Variants in TET1 observed in about 807,000 individuals in gnomAD.
TET1 encodes the protein methylcytosine dioxygenase TET1.
Under a neutral mutation model 148.7 loss-of-function variants are expected in TET1, and 13 were observed. The observed-to-expected ratio is 0.09, with a 90% CI of 0.06 to 0.14. TET1 has a LOEUF of 0.14. Ranked by LOEUF, TET1 falls within the 10% of genes least tolerant of loss-of-function variation. TET1 has a pLI of 1.00. For missense variants in TET1, 2,182 were observed against 2,553.8 expected, an observed-to-expected ratio of 0.85 and a Z score of 3.14; for synonymous variants, 907 against 937.2, an observed-to-expected ratio of 0.97 and a Z score of 0.59.
intron 10 of TET1, among the ~76,000 whole-genome samples, chr10:68,685,257 A>AT (rs1012048561): frequency 6.6e-6 from 1 of 152,166 alleles, no homozygotes; most frequent in Non-Finnish European, 1.5e-5. Flanking sequence ...AAAAAAATGA[A>AT]TTTTTTTAAC....
At chr10:68,603,899 C>T (rs2054090172) in intron 3 of TET1, among the ~76,000 whole-genome samples, 1 of 152,194 alleles carries the variant, frequency 6.6e-6, no homozygotes, top group Non-Finnish European at 1.5e-5. Flanking sequence ...GAAATGACAG[C>T]TCTGGCCAAA....
intron 2 of TET1, among the ~76,000 whole-genome samples, chr10:68,588,891 G>A (rs2664446): frequency 0.6 from 90,869 of 151,030 alleles, 27,435 homozygotes; most frequent in Middle Eastern, 0.68. Flanking sequence ...GGAGGCTGAG[G>A]CAGAAGGATC....
chr10:68,582,872 C>T (rs1415099581), intron 2 of TET1, among the ~76,000 whole-genome samples: 1 of 152,118 alleles, frequency 6.6e-6, no homozygotes, highest in Admixed American at 6.6e-5. Context: ...GCATACTGCA[C>T]CACAGAACTG....
At chr10:68,641,188 T>A (rs1394408874) in intron 3 of TET1, among the ~76,000 whole-genome samples, 1 of 151,978 alleles carries the variant, frequency 6.6e-6, no homozygotes, top group Non-Finnish European at 1.5e-5. Flanking sequence ...ATCTGTTTAA[T>A]CTTAGACATT....
At chr10:68,606,801 T>C (rs1589070135) in intron 3 of TET1, among the ~76,000 whole-genome samples, 1 of 152,190 alleles carries the variant, frequency 6.6e-6, no homozygotes. Flanking sequence ...AGAAATTTAA[T>C]AATTTAGTTT....
At chr10:68,681,095 T>C (rs948448988) in intron 8 of TET1, among the ~76,000 whole-genome samples, 2 of 152,262 alleles carry the variant, frequency 1.3e-5, no homozygotes, top group Admixed American at 6.5e-5. Flanking sequence ...TGCAATACTA[T>C]TGAATAAATA....
intron 3 of TET1, among the ~76,000 whole-genome samples, chr10:68,627,583 G>A (rs2054504038): frequency 6.6e-6 from 1 of 151,736 alleles, no homozygotes; most frequent in Non-Finnish European, 1.5e-5. Flanking sequence ...GTGACAGAGC[G>A]AGACTCTGTC....
chr10:68,604,994 T>C (rs1334564676), intron 3 of TET1, among the ~76,000 whole-genome samples: 1 of 152,214 alleles, frequency 6.6e-6, no homozygotes, highest in East Asian at 1.9e-4. Context: ...AATTATAAAA[T>C]ATCATCAGAG....
chr10:68,601,017 A>G lies in TET1; in HGVS notation c.1951A>G (p.Lys651Glu), dbSNP rs1448357914. 4.4e-6 allele frequency: 7 copies of G among 1,605,450 alleles called. No individual in the cohort carries two copies. Among genetic ancestry groups the G allele is most frequent in the South Asian group, 1.1e-5 (1 of 88,160 alleles). ...AAACAAGAGGCCCCAGAGGGAAAAG[A>G]AGCCCAAAGTTTTAAAGGTAATCAG... ...KENKRPQREKKPKVLKADFDN... is the reference protein window; with the variant it reads ...KENKRPQREKEPKVLKADFDN... Residue 651 changes from lysine (K) to glutamate (E), a missense_variant, in exon 3 of 12, where the codon AAG (lysine) becomes GAG (glutamate). Lys to Glu is a moderately conservative substitution (Grantham distance 56, BLOSUM62 1). Coordinates refer to ENST00000373644, the MANE Select transcript of TET1 (RefSeq NM_030625.3).
chr10:68,624,714 CTTCTTTCTTTCCTTCT>C (rs2054448661), intron 3 of TET1, among the ~76,000 whole-genome samples: 2 of 115,474 alleles, frequency 1.7e-5, no homozygotes, highest in Admixed American at 2.0e-4. Flanking sequence ...CTTTTCCTTC[CTTCTTTCTTTCCTTCT>C]TTCTTTCTTT....
At chr10:68,627,420 T>A (rs552067544) in intron 3 of TET1, among the ~76,000 whole-genome samples, 495 of 144,650 alleles carry the variant, frequency 3.4e-3, no homozygotes, top group Non-Finnish European at 5.2e-3. Flanking sequence ...AAAAAAAAAA[T>A]AAATAAATAA....
In TET1 at chr10:68,589,662, A is replaced by ATT. The variant is rs57278279; in HGVS notation, c.1915-11295_1915-11294dup. On this transcript the variant is annotated intron_variant, in intron 2 of 11. Coordinates refer to ENST00000373644, the MANE Select transcript of TET1 (RefSeq NM_030625.3). ...ATACTGTGCTCGGTTAATATCTCCA[A>ATT]TTTTTTTTTTTTTTTTTTTTTTTTT... Among the ~76,000 whole-genome samples the ATT allele has an allele frequency of 2.9e-3, 316 of 109,694 alleles. 1 individual carries two copies. The highest frequency in any genetic ancestry group is 7.0e-3 in the African/African-American group (178 of 25,348). The allele number at this position is 109,694 out of a possible 152,430, so 72.0% of individuals were successfully genotyped here.
At chr10:68,640,535 T>TCTTC (rs2054730833) in intron 3 of TET1, among the ~76,000 whole-genome samples, 1 of 122,098 alleles carries the variant, frequency 8.2e-6, no homozygotes, top group Non-Finnish European at 1.7e-5. Flanking sequence ...TCTTTTTCTT[T>TCTTC]CTTTCTTTCT....
At chr10:68,629,591 T>G (rs79850511) in intron 3 of TET1, among the ~76,000 whole-genome samples, 89 of 151,854 alleles carry the variant, frequency 5.9e-4, no homozygotes, top group African/African-American at 2.1e-3. Context: ...TGGAGTGCAG[T>G]GGCATGATCT....
Position 68,613,239 on chromosome 10 carries a change from A to G in TET1, c.1968+12205A>G, listed in dbSNP as rs185970818. 3.8e-3 allele frequency among the ~76,000 whole-genome samples: 586 copies of G among 152,344 alleles called. 4 individuals are homozygous for G. The highest frequency in any genetic ancestry group is 0.013 in the African/African-American group (561 of 41,574). ...TTAATTTGGTTAACTTTTCTCTGAC[A>G]TGTTACATTTAAAAGAACCCAAACC... is the stretch of plus-strand genomic sequence containing the variant. On this transcript the variant is annotated intron_variant, in intron 3 of 11. Transcript: ENST00000373644.
chr10:68,629,412 T>A lies in TET1; in HGVS notation c.1969-15286T>A, dbSNP rs990775977. 1.3e-5 allele frequency among the ~76,000 whole-genome samples: 2 copies of A among 152,088 alleles called. 1 individual carries two copies. Among genetic ancestry groups the A allele is most frequent in the Admixed American group, 1.3e-4 (2 of 15,254 alleles). On this transcript the variant is annotated intron_variant, in intron 3 of 11. Coordinates refer to ENST00000373644, the MANE Select transcript of TET1 (RefSeq NM_030625.3). ...ATAAAAATGTAGCATCAAATTGAGA[T>A]GTATTAATTGTAACTTTTACTTTAA...
chr10:68,651,109 GCT>G (rs1229770720), intron 4 of TET1, among the ~76,000 whole-genome samples: 1 of 151,928 alleles, frequency 6.6e-6, no homozygotes, highest in Non-Finnish European at 1.5e-5. Context: ...TGAGTGTTTT[GCT>G]CTCTTTTTGA....
At chr10:68,568,828 G>T (rs917840047) in intron 1 of TET1, among the ~76,000 whole-genome samples, 1 of 152,094 alleles carries the variant, frequency 6.6e-6, no homozygotes, top group Non-Finnish European at 1.5e-5. Flanking sequence ...TCCAGTCCAG[G>T]TGACAGAGTG....
At chr10:68,673,908 AT>A (rs576436248) in intron 8 of TET1, among the ~76,000 whole-genome samples, 5 of 121,674 alleles carry the variant, frequency 4.1e-5, no homozygotes, top group Non-Finnish European at 7.1e-5. Flanking sequence ...ATGATACATC[AT>A]TTTTTTATCA....
Sources: gnomAD v4.1 joint callset for allele counts (sites outside exome capture counted in the v4.1 genomes callset) on GRCh38, gnomAD v4.1.1 for gene constraint, MANE v1.5 for transcripts, NCBI Gene and HGNC (gene_info 2026-07-23, HGNC 2026-07-21) for gene names.